ERICH1: variants seen among roughly 807,000 people sequenced by gnomAD.
ERICH1 encodes glutamate rich 1.
ERICH1 carries 56 observed loss-of-function variants against 39.6 expected under a neutral mutation model. The ratio of observed to expected loss-of-function variants is 1.41; its 90% CI spans 1.14 to 1.77. The LOEUF (loss-of-function observed/expected upper bound fraction) is 1.77, where lower values mean the gene tolerates loss of function less well. Ranked by LOEUF, ERICH1 falls within the 40% of genes most tolerant of loss-of-function variation. ERICH1 has a pLI of 0.00. For missense variants in ERICH1, 826 were observed against 575.4 expected (o/e 1.44, Z -4.45); for synonymous variants, 313 against 223.6 (o/e 1.40, Z -3.57).
chr8:711,318 G>C (rs986906042), intron 2 of ERICH1, among the ~76,000 whole-genome samples: 2 of 152,060 alleles, frequency 1.3e-5, no homozygotes, highest in East Asian at 1.9e-4. Context: ...CAGAGCACAA[G>C]ATTTTAATTT....
chr8:719,972 G>A lies in ERICH1; in HGVS notation c.23-3965C>T, dbSNP rs573678632. 6.2e-5 allele frequency among the ~76,000 whole-genome samples: 9 copies of A among 144,300 alleles called. No individual in the cohort carries two copies. In the South Asian group the frequency reaches 1.0e-3, roughly 16 times the overall value. 94.7% of individuals were successfully genotyped at this position (144,300 alleles called of 152,430 possible). ...AGCACACAAGGCCCTACAAGGTACC[G>A]CAGGCTCATCTTGTATTTTCTCTGC... On this transcript the variant is annotated intron_variant, in intron 1 of 5. Coordinates refer to ENST00000262109, the MANE Select transcript of ERICH1 (RefSeq NM_207332.3).
At chr8:699,923 G>T (rs1359230747) in intron 2 of ERICH1, among the ~76,000 whole-genome samples, 38 of 118,902 alleles carry the variant, frequency 3.2e-4, no homozygotes, top group Non-Finnish European at 4.4e-4. Flanking sequence ...GCACAGGCCC[G>T]CACAGGCGCA....
intron 3 of ERICH1, among the ~76,000 whole-genome samples, chr8:655,583 G>A (rs576110576): frequency 2.6e-5 from 4 of 152,094 alleles, no homozygotes; most frequent in East Asian, 1.9e-4. Flanking sequence ...CCTTCATCAC[G>A]GGGGATCATT....
chr8:718,285 G>A (rs1471789168), intron 1 of ERICH1, among the ~76,000 whole-genome samples: 3 of 152,138 alleles, frequency 2.0e-5, no homozygotes, highest in African/African-American at 4.8e-5. Flanking sequence ...GGATTGGAGC[G>A]CACTGAGTCT....
intron 3 of ERICH1, among the ~76,000 whole-genome samples, chr8:620,721 T>C (rs1453059782): frequency 1.3e-5 from 2 of 152,214 alleles, no homozygotes; most frequent in African/African-American, 4.8e-5. Context: ...TTTGTAATGA[T>C]AAATGTTAAC....
chr8:615,391 A>G (rs1436468203), intron 3 of ERICH1: 2 of 567,584 alleles, frequency 3.5e-6, no homozygotes, highest in African/African-American at 3.8e-5. Flanking sequence ...AACTAAGATT[A>G]GTCTTCCTAA....
intron 5 of ERICH1, 65 bp from the exon 6 acceptor site, chr8:664,741 A>G: frequency 7.2e-7 from 1 of 1,387,006 alleles, no homozygotes; most frequent in Non-Finnish European, 1.0e-6. Flanking sequence ...ATAAGTTATT[A>G]TTATGTAGAC....
At chr8:712,332 T>C (rs1019093616) in intron 2 of ERICH1, among the ~76,000 whole-genome samples, 1 of 152,240 alleles carries the variant, frequency 6.6e-6, no homozygotes, top group African/African-American at 2.4e-5. Flanking sequence ...ATCAGAGTTC[T>C]ATAGCTTCTT....
intron 2 of ERICH1, among the ~76,000 whole-genome samples, chr8:709,486 G>A (rs182106543): frequency 6.6e-5 from 10 of 152,290 alleles, no homozygotes; most frequent in Admixed American, 3.3e-4. Context: ...CAAAAGGCTC[G>A]TGCACCCAAC....
intron 2 of ERICH1, among the ~76,000 whole-genome samples, chr8:710,691 T>C (rs1039816598): frequency 1.3e-5 from 2 of 152,252 alleles, no homozygotes; most frequent in African/African-American, 4.8e-5. Flanking sequence ...ATCATGTCTT[T>C]TCATGGCTTG....
chr8:660,136 C>T (rs574366949), downstream of ERICH1, among the ~76,000 whole-genome samples: 86 of 142,154 alleles, frequency 6.0e-4, 1 homozygote, highest in African/African-American at 2.4e-3. Flanking sequence ...GGCCCCTGCC[C>T]GGGGTCATGG....
At chr8:673,113 C>T (rs1267705796) in intron 4 of ERICH1, among the ~76,000 whole-genome samples, 176 bp downstream of exon 4, 2 of 152,232 alleles carry the variant, frequency 1.3e-5, no homozygotes, top group Non-Finnish European at 2.9e-5. Context: ...TGATCTTTGC[C>T]TTATAACTAA....
At chr8:665,224 C>T (rs1344558887) in intron 5 of ERICH1, among the ~76,000 whole-genome samples, 2 of 152,202 alleles carry the variant, frequency 1.3e-5, no homozygotes, top group Non-Finnish European at 1.5e-5. Context: ...CAGAGCTTCA[C>T]GGCAGGGACA....
downstream of ERICH1, among the ~76,000 whole-genome samples, chr8:663,854 G>T (rs1472434099): frequency 6.6e-6 from 1 of 151,962 alleles, no homozygotes. Flanking sequence ...CTGCCTCCCA[G>T]GTTCATGCCA....
At chr8:712,748 T>C (rs1815045860) in intron 2 of ERICH1, among the ~76,000 whole-genome samples, 1 of 152,250 alleles carries the variant, frequency 6.6e-6, no homozygotes, top group African/African-American at 2.4e-5. Context: ...TGCTGACATA[T>C]AGGAAAGCAG....
At chr8:675,786 CG>C (rs1178245517) in intron 3 of ERICH1, among the ~76,000 whole-genome samples, 1 of 3,192 alleles carries the variant, frequency 3.1e-4, no homozygotes, top group African/African-American at 1.8e-3. Context: ...GGCGGCCCCT[CG>C]GCGAGGACAG....
chr8:668,807 T>G lies in ERICH1; in HGVS notation c.1064-15A>C. 1 of 1,573,022 alleles carries G rather than the reference T, an allele frequency of 6.4e-7. No homozygotes were observed. Among genetic ancestry groups the G allele is most frequent in the East Asian group, 2.2e-5 (1 of 44,446 alleles). On this transcript the variant is annotated splice_polypyrimidine_tract_variant and intron_variant, in intron 4 of 5. Coordinates refer to ENST00000262109, the MANE Select transcript of ERICH1 (RefSeq NM_207332.3). ...TCTGGAGACACCTACATAAAGTCAG[T>G]TTTGCTTGGAAATACAGTTTTGTTT... is the stretch of plus-strand genomic sequence containing the variant.
intron 3 of ERICH1, among the ~76,000 whole-genome samples, chr8:650,638 G>A (rs1288514844): frequency 6.6e-6 from 1 of 152,206 alleles, no homozygotes; most frequent in East Asian, 1.9e-4. Flanking sequence ...AGCCGGCACC[G>A]TGCCATAGGG....
intron 3 of ERICH1, among the ~76,000 whole-genome samples, chr8:655,660 A>ATTCCTTCCTTCCTTCCTTCCTTCC (rs57152332): frequency 1.6e-4 from 23 of 143,088 alleles, no homozygotes; most frequent in Non-Finnish European, 2.6e-4. Context: ...TGTCCTCTGC[A>ATTCCTTCCTTCCTTCCTTCCTTCC]TTCCTTCCTT....
Sources: gnomAD v4.1 joint callset for allele counts (sites outside exome capture counted in the v4.1 genomes callset) on GRCh38, gnomAD v4.1.1 for gene constraint, MANE v1.5 for transcripts, NCBI Gene and HGNC (gene_info 2026-07-23, HGNC 2026-07-21) for gene names.